BLM: variants seen among roughly 807,000 people sequenced by gnomAD.
The protein encoded by BLM is recQ-like DNA helicase BLM.
In BLM, 95 loss-of-function variants were observed where a neutral mutation model predicts 135.3. The ratio of observed to expected loss-of-function variants is 0.70; its 90% CI spans 0.59 to 0.83. The LOEUF is 0.83. Among genes scored for constraint, BLM ranks in the 40% least tolerant of loss-of-function variants. The pLI is 0.00. For synonymous variants in BLM, 520 were observed against 589.2 expected, an observed-to-expected ratio of 0.88 and a Z score of 1.70; for missense variants, 1,518 against 1,663.9, an observed-to-expected ratio of 0.91 and a Z score of 1.53.
rs1895780097 is a variant in BLM at position 90,754,946 on chromosome 15, C to A, written c.1087+8C>A. 3 of 1,613,534 alleles carry A rather than the reference C, an allele frequency of 1.9e-6. No individual in the cohort carries two copies. Among genetic ancestry groups the A allele is most frequent in the Non-Finnish European group, 2.5e-6 (3 of 1,179,858 alleles). On this transcript the variant is annotated splice_region_variant and intron_variant, in intron 5 of 21. Transcript: ENST00000355112. ...CCAGCACAGACTGTGACGGTACAAG[C>A]AATATTTTAGACATACCATGTATTT...
chr15:90,738,333 G>A (rs948738283), intron 1 of BLM, among the ~76,000 whole-genome samples: 1 of 152,212 alleles, frequency 6.6e-6, no homozygotes, highest in Non-Finnish European at 1.5e-5. Context: ...CACTTTGGGA[G>A]GCTGCCGGGA....
intron 1 of BLM, among the ~76,000 whole-genome samples, chr15:90,744,373 A>T (rs1412619254): frequency 1.3e-5 from 2 of 151,982 alleles, no homozygotes; most frequent in African/African-American, 4.8e-5. Flanking sequence ...TTTATTTTTT[A>T]TTTATTTATT....
chr15:90,775,619 C>G (rs1395253363), intron 12 of BLM, among the ~76,000 whole-genome samples: 1 of 151,854 alleles, frequency 6.6e-6, no homozygotes, highest in Non-Finnish European at 1.5e-5. Context: ...TCAAGTGATT[C>G]TCCCGCCTCA....
chr15:90,724,723 C>T (rs1392755491), intron 1 of BLM, among the ~76,000 whole-genome samples: 1 of 152,170 alleles, frequency 6.6e-6, no homozygotes, highest in African/African-American at 2.4e-5. Flanking sequence ...AGGGGTGTGG[C>T]ACTTCCATGC....
In BLM at chr15:90,789,494, T is replaced by C. The variant is rs530506550; in HGVS notation, c.2824-1155T>C. Among the ~76,000 whole-genome samples the C allele has an allele frequency of 1.8e-3, 275 of 152,290 alleles. 2 individuals are homozygous for C. Among genetic ancestry groups the C allele is most frequent in the African/African-American group, 6.5e-3 (271 of 41,566 alleles). On this transcript the variant is annotated intron_variant, in intron 14 of 21. Coordinates refer to ENST00000355112, the MANE Select transcript of BLM (RefSeq NM_000057.4). Reference sequence around the variant, plus strand: ...CTGACACATCTTGCTGTGCAGCTTCTCCACCTGCTCTCCATCACTAGAAGC... The same window carrying C: ...CTGACACATCTTGCTGTGCAGCTTCCCCACCTGCTCTCCATCACTAGAAGC...
rs574740043 is a variant in BLM at position 90,729,365 on chromosome 15, T to C, written c.-5+11925T>C. On this transcript the variant is annotated intron_variant, in intron 1 of 21. Transcript: ENST00000355112. The stretch of plus-strand genomic sequence containing the variant: ...ACAACAACATAGATTTATTATCTTA[T>C]AGTTCTGTAGTTCAGAAGTCTGAAT... Among the ~76,000 whole-genome samples the C allele has an allele frequency of 7.9e-5, 12 of 152,300 alleles. No homozygotes were observed. The South Asian group carries it at 2.1e-3, about 26-fold the overall frequency.
At chr15:90,729,063 A>G (rs1334883037) in intron 1 of BLM, among the ~76,000 whole-genome samples, 1 of 152,078 alleles carries the variant, frequency 6.6e-6, no homozygotes, top group East Asian at 1.9e-4. Context: ...TAATCCCAGC[A>G]CTTTGAGAGG....
chr15:90,764,963 G>A (rs1389419501), intron 8 of BLM, among the ~76,000 whole-genome samples: 1 of 152,102 alleles, frequency 6.6e-6, no homozygotes, highest in African/African-American at 2.4e-5. Context: ...TAGCTACTGG[G>A]GAGGGTAAGG....
intron 1 of BLM, among the ~76,000 whole-genome samples, chr15:90,737,460 G>A (rs1439438886): frequency 6.6e-6 from 1 of 152,148 alleles, no homozygotes; most frequent in Non-Finnish European, 1.5e-5. Flanking sequence ...ATAAATGAAG[G>A]CTGTTTGAGG....
chr15:90,747,669 T>A, intron 2 of BLM, 179 bp downstream of exon 2: 1 of 594,294 alleles, frequency 1.7e-6, no homozygotes, highest in East Asian at 2.9e-5. Context: ...CAGGTGAGAT[T>A]GTGTCTCATC....
chr15:90,815,341 C>A lies in BLM; in HGVS notation c.*62C>A. 1 of 1,553,638 alleles carries A rather than the reference C, an allele frequency of 6.4e-7. No individual in the cohort carries two copies. The highest frequency in any genetic ancestry group is 1.1e-5 in the South Asian group (1 of 89,154). On this transcript the variant is annotated 3_prime_UTR_variant, in exon 22 of 22. Coordinates refer to ENST00000355112, the MANE Select transcript of BLM (RefSeq NM_000057.4). The surrounding 1 kb of genome is among the most constrained non-coding windows in gnomAD (Gnocchi z 4.6). ...TTTGTCAGCATCTGACCATCTGTGA[C>A]TATAAAGCTGTTATTCTTGTTATAC...
chr15:90,790,386 A>C (rs949521476), intron 14 of BLM: 6 of 478,248 alleles, frequency 1.3e-5, no homozygotes, highest in African/African-American at 1.2e-4. Flanking sequence ...GCTCTCTTAC[A>C]TGAGAATGCC....
intron 12 of BLM, among the ~76,000 whole-genome samples, chr15:90,776,296 C>A (rs1480732743): frequency 6.6e-6 from 1 of 152,150 alleles, no homozygotes; most frequent in Non-Finnish European, 1.5e-5. Context: ...TCGTTATTCA[C>A]TTTACTTTTT....
chr15:90,781,507 T>C (rs1459104997), intron 12 of BLM, among the ~76,000 whole-genome samples: 3 of 152,078 alleles, frequency 2.0e-5, no homozygotes, highest in Non-Finnish European at 2.9e-5. Flanking sequence ...GCACCTGTAA[T>C]TCCAGCTATT....
At chr15:90,772,240 A>G (rs1308992879) in intron 12 of BLM, among the ~76,000 whole-genome samples, 1 of 152,174 alleles carries the variant, frequency 6.6e-6, no homozygotes, top group Non-Finnish European at 1.5e-5. Context: ...CTAAGGTTGA[A>G]GCCACAGCCC....
At chr15:90,764,312 T>C (rs1027207600) in intron 8 of BLM, among the ~76,000 whole-genome samples, 1 of 149,464 alleles carries the variant, frequency 6.7e-6, no homozygotes, top group Non-Finnish European at 1.5e-5. Context: ...TAATATATAG[T>C]GTGTGTGTAA....
Position 90,760,840 on chromosome 15 carries a change from G to A in BLM, c.1467G>A (p.Arg489=), listed in dbSNP as rs56257041. The A allele has an allele frequency of 1.5e-4, 241 of 1,613,974 alleles. No individual in the cohort carries two copies. Among genetic ancestry groups the A allele is most frequent in the African/African-American group, 1.2e-3 (92 of 75,000 alleles). ...FSATRKNLFE[R]PLFNTHLQKS... ...CCACCAGGAAGAATCTTTTTGAAAG[G>A]CCTTTATTCAATACCCATTTACAGA... The change falls in exon 7 of 22, where the codon AGG becomes AGA. Residue 489 remains arginine, a synonymous_variant. Transcript: ENST00000355112.
chr15:90,770,331 C>T (rs555181879), intron 12 of BLM, among the ~76,000 whole-genome samples: 12 of 152,154 alleles, frequency 7.9e-5, no homozygotes, highest in South Asian at 2.1e-4. Context: ...CCCGCCACCA[C>T]GCCAGGCTAA....
At chr15:90,794,947 T>A (rs1896995666) in intron 16 of BLM, among the ~76,000 whole-genome samples, 1 of 152,116 alleles carries the variant, frequency 6.6e-6, no homozygotes, top group Admixed American at 6.6e-5. Context: ...TGTCCTAAAA[T>A]ACCCTTGGAA....
Sources: allele counts gnomAD v4.1 joint callset (sites outside exome capture counted in the v4.1 genomes callset), GRCh38; gene constraint gnomAD v4.1.1; non-coding constraint Gnocchi (gnomAD v3.1); transcripts MANE v1.5; gene names NCBI Gene and HGNC (gene_info 2026-07-23, HGNC 2026-07-21).